AMER2: variants seen among roughly 807,000 people sequenced by gnomAD.
AMER2 encodes the protein APC membrane recruitment protein 2, also known as family with sequence similarity 123A.
In AMER2, 1 loss-of-function variant was observed where a neutral mutation model predicts 4.7. The ratio of observed to expected loss-of-function variants is 0.21; its 90% CI spans 0.07 to 1.00. The LOEUF is 1.00. Among genes scored for constraint, AMER2 ranks in the 50% least tolerant of loss-of-function variants. The pLI is 0.60. For synonymous variants in AMER2, 485 were observed against 433.3 expected (o/e 1.12, Z -1.48); for missense variants, 988 against 966.9 (o/e 1.02, Z -0.29).
Position 25,162,957 on chromosome 13 carries a change from A to T in AMER2, c.*6647T>A, listed in dbSNP as rs1489263136. On this transcript the variant is annotated 3_prime_UTR_variant, in exon 1 of 1. Coordinates refer to ENST00000515384, the MANE Select transcript of AMER2 (RefSeq NM_152704.4). Reference sequence around the variant, plus strand: ...TAGTAGAATTCAATATAAAATACTCATCTTCATGGTGGCTGACTTATTGAT... The same window carrying T: ...TAGTAGAATTCAATATAAAATACTCTTCTTCATGGTGGCTGACTTATTGAT... 1 of 152,224 alleles carries T rather than the reference A, an allele frequency of 6.6e-6. No homozygotes were observed. The highest frequency in any genetic ancestry group is 1.5e-5 in the Non-Finnish European group (1 of 68,044). The allele number at this position is 152,224 out of a possible 1,614,324, so 9.4% of individuals were successfully genotyped here.
chr13:25,171,759 G>A lies in AMER2; in HGVS notation c.-140C>T. 1 of 1,398,666 alleles carries A rather than the reference G, an allele frequency of 7.1e-7. No homozygotes were observed. Among genetic ancestry groups the A allele is most frequent in the Non-Finnish European group, 9.2e-7 (1 of 1,085,036 alleles). 86.6% of individuals were successfully genotyped at this position (1,398,666 alleles called of 1,614,324 possible). A position where few individuals can be genotyped will look rare whatever the true frequency, so the allele number is the denominator to read the frequency against. On this transcript the variant is annotated 5_prime_UTR_variant, in exon 1 of 1. Coordinates refer to ENST00000515384, the MANE Select transcript of AMER2 (RefSeq NM_152704.4). The surrounding 1 kb of genome is among the most constrained non-coding windows in gnomAD (Gnocchi z 5.9). ...CACATAAAAGACCATCTTCCCTCCC[G>A]CAAGGGCTTATATAATACCCTAACC...
At position 25,169,546 on chromosome 13, in the gene AMER2, T is replaced by G. The variant is rs1252627849; in HGVS notation, c.*58A>C. 6.6e-7 allele frequency: 1 copy of G among 1,515,012 alleles called. No individual in the cohort carries two copies. Among genetic ancestry groups the G allele is most frequent in the Non-Finnish European group, 8.8e-7 (1 of 1,134,042 alleles). 93.8% of individuals were successfully genotyped at this position (1,515,012 alleles called of 1,614,324 possible). On this transcript the variant is annotated 3_prime_UTR_variant, in exon 1 of 1. Transcript: ENST00000515384. The surrounding 1 kb of genome is among the most constrained non-coding windows in gnomAD (Gnocchi z 4.2). ...GAAAAGCAAAACTTACTTTAGTGGT[T>G]TCCAGGGAAAAGTTGTATTCCTTGG...
rs901661430 is a variant in AMER2 at position 25,171,588 on chromosome 13, C to T, written c.32G>A (p.Gly11Glu). The T allele has an allele frequency of 8.7e-6, 13 of 1,490,094 alleles. No individual in the cohort carries two copies. Among genetic ancestry groups the T allele is most frequent in the Non-Finnish European group, 1.1e-5 (13 of 1,133,044 alleles). The allele number at this position is 1,490,094 out of a possible 1,614,324, so 92.3% of individuals were successfully genotyped here. METSRSRGGG[G>E]AVSERGGAGA... ...AGCTCCGCCGCGCTCGCTGACAGCC[C>T]CGCCGCCGCCGCGGCTCCGGCTCGT... is the stretch of plus-strand genomic sequence containing the variant. Residue 11 changes from glycine to glutamate, a missense_variant, in exon 1 of 1, where the codon GGG (glycine) becomes GAG (glutamate). Transcript: ENST00000515384. This position sits in a 1 kb window ranked among gnomAD's most constrained non-coding sequence, Gnocchi z 5.9.
Position 25,168,892 on chromosome 13 carries a change from T to G in AMER2, c.*712A>C, listed in dbSNP as rs1435022318. 6.6e-6 allele frequency: 1 copy of G among 152,622 alleles called. No homozygotes were observed. Among genetic ancestry groups the G allele is most frequent in the Non-Finnish European group, 1.5e-5 (1 of 68,052 alleles). 9.5% of individuals were successfully genotyped at this position (152,622 alleles called of 1,614,324 possible). ...AGCCTGCTCTCCTGAGCCTTTTATA[T>G]CTCCCCAAACAAATGACTGAAACCA... On this transcript the variant is annotated 3_prime_UTR_variant, in exon 1 of 1. Coordinates refer to ENST00000515384, the MANE Select transcript of AMER2 (RefSeq NM_152704.4).
chr13:25,170,689 CG>C lies in AMER2; in HGVS notation c.930del (p.Glu312ArgfsTer16). ...AAGHRRAEPGPGEVRTAEDAS... is the reference protein window; with the variant it reads ...AAGHRRAEPGXGEVRTAEDAS... The stretch of plus-strand genomic sequence containing the variant: ...GCGTCCTCTGCCGTGCGGACCTCCC[CG>C]GGCCCCGGCTCGGCGCGCCGATGCC... On this transcript the variant is annotated frameshift_variant, in exon 1 of 1. Transcript: ENST00000515384. LOFTEE classifies it low-confidence loss of function (END_TRUNC). This position sits in a 1 kb window ranked among gnomAD's most constrained non-coding sequence, Gnocchi z 7.3. 6.6e-7 allele frequency: 1 copy of C among 1,517,100 alleles called. No homozygotes were observed. Among genetic ancestry groups the C allele is most frequent in the Non-Finnish European group, 8.8e-7 (1 of 1,134,514 alleles). The allele number at this position is 1,517,100 out of a possible 1,614,324, so 94.0% of individuals were successfully genotyped here.
In AMER2 at chr13:25,169,591, G is replaced by T; in HGVS notation, c.*13C>A. 1 of 1,557,244 alleles carries T rather than the reference G, an allele frequency of 6.4e-7. No homozygotes were observed. The highest frequency in any genetic ancestry group is 8.7e-7 in the Non-Finnish European group (1 of 1,151,278). Reference sequence around the variant, plus strand: ...CCTTGGCATGGGGCCCATCCACCTTGGCCTGGAAGACCTCACAACTTTTTG... The same window carrying T: ...CCTTGGCATGGGGCCCATCCACCTTTGCCTGGAAGACCTCACAACTTTTTG... On this transcript the variant is annotated 3_prime_UTR_variant, in exon 1 of 1. Coordinates refer to ENST00000515384, the MANE Select transcript of AMER2 (RefSeq NM_152704.4). The surrounding 1 kb of genome is among the most constrained non-coding windows in gnomAD (Gnocchi z 4.2).
rs761391707 is a variant in AMER2, at chr13:25,170,951, G to C, written c.669C>G (p.Gly223=). Residue 223 remains glycine (G), a synonymous_variant, in exon 1 of 1, where the codon GGC becomes GGG. Transcript: ENST00000515384. This position sits in a 1 kb window ranked among gnomAD's most constrained non-coding sequence, Gnocchi z 7.3. ...EAAEGRAPGG[G]LILPGSLTAS... ...CGGTGAGCGAGCCGGGTAGGATCAA[G>C]CCGCCCCCGGGCGCGCGCCCCTCCG... 1 of 1,532,030 alleles carries C rather than the reference G, an allele frequency of 6.5e-7. No homozygotes were observed. Among genetic ancestry groups the C allele is most frequent in the South Asian group, 1.2e-5 (1 of 82,160 alleles). The allele number at this position is 1,532,030 out of a possible 1,614,324, so 94.9% of individuals were successfully genotyped here. A position where few individuals can be genotyped will look rare whatever the true frequency, so the allele number is the denominator to read the frequency against.
rs1219231209 is a variant in AMER2, at chr13:25,171,181, G to A, written c.439C>T (p.Pro147Ser). The change falls in exon 1 of 1, where the codon CCC (proline) becomes TCC (serine). Residue 147 changes from proline (P) to serine (S), a missense_variant. Coordinates refer to ENST00000515384, the MANE Select transcript of AMER2 (RefSeq NM_152704.4). This position sits in a 1 kb window ranked among gnomAD's most constrained non-coding sequence, Gnocchi z 5.9. Reference protein sequence around the residue: ...PNPGPPRAAGPGGGSLASSSV... With the variant: ...PNPGPPRAAGSGGGSLASSSV... ...CTGCTGGCGAGGGAGCCCCCGCCGG[G>A]CCCTGCGGCTCTGGGGGGCCCCGGG... 7 of 1,514,380 alleles carry A rather than the reference G, an allele frequency of 4.6e-6. No homozygotes were observed. Among genetic ancestry groups the A allele is most frequent in the East Asian group, 2.8e-5 (1 of 36,304 alleles). The allele number at this position is 1,514,380 out of a possible 1,614,324, so 93.8% of individuals were successfully genotyped here. A position where few individuals can be genotyped will look rare whatever the true frequency, so the allele number is the denominator to read the frequency against.
At position 25,172,096 on chromosome 13, in the gene AMER2, A is replaced by C. The variant is rs1321840573; in HGVS notation, c.-477T>G. The C allele has an allele frequency of 6.3e-6, 1 of 158,516 alleles. No homozygotes were observed. 9.8% of individuals were successfully genotyped at this position (158,516 alleles called of 1,614,324 possible). A position where few individuals can be genotyped will look rare whatever the true frequency, so the allele number is the denominator to read the frequency against. On this transcript the variant is annotated 5_prime_UTR_variant, in exon 1 of 1. Coordinates refer to ENST00000515384, the MANE Select transcript of AMER2 (RefSeq NM_152704.4). Reference sequence around the variant, plus strand: ...TCATGTCTGTCCTTAGCATTGGTGCACTAAGCCCAGCAGGCAGGAAGCATG... The same window carrying C: ...TCATGTCTGTCCTTAGCATTGGTGCCCTAAGCCCAGCAGGCAGGAAGCATG...
Position 25,163,953 on chromosome 13 carries a change from A to G in AMER2, c.*5651T>C, listed in dbSNP as rs1956443043. On this transcript the variant is annotated 3_prime_UTR_variant, in exon 1 of 1. Coordinates refer to ENST00000515384, the MANE Select transcript of AMER2 (RefSeq NM_152704.4). ...AAACCCTGTCTCTACTAAAAATACA[A>G]AAACTAACGGGCATGGTGGTGCACG... 1 of 152,138 alleles carries G rather than the reference A, an allele frequency of 6.6e-6. No individual in the cohort carries two copies. The highest frequency in any genetic ancestry group is 6.6e-5 in the Admixed American group (1 of 15,258). 9.4% of individuals were successfully genotyped at this position (152,138 alleles called of 1,614,324 possible). A position where few individuals can be genotyped will look rare whatever the true frequency, so the allele number is the denominator to read the frequency against.
In AMER2 at chr13:25,167,695, T is replaced by C. The variant is rs1297052005; in HGVS notation, c.*1909A>G. The C allele has an allele frequency of 6.6e-6, 1 of 152,212 alleles. No homozygotes were observed. The highest frequency in any genetic ancestry group is 2.4e-5 in the African/African-American group (1 of 41,470). 9.4% of individuals were successfully genotyped at this position (152,212 alleles called of 1,614,324 possible). ...GACAATGCAATAAAAGCCAGTCATA[T>C]GACTAATGAAGAAATTCAGCAAACC... On this transcript the variant is annotated 3_prime_UTR_variant, in exon 1 of 1. Transcript: ENST00000515384.
rs1956586264 is a variant in AMER2 at position 25,171,686 on chromosome 13, T to G, written c.-67A>C. ...CGCGCCAGGCCACTGTCACCCGTATTCTAAATCAACCTGAGCCGCGCTCGC... is the reference window on the plus strand; with the variant it reads ...CGCGCCAGGCCACTGTCACCCGTATGCTAAATCAACCTGAGCCGCGCTCGC... On this transcript the variant is annotated 5_prime_UTR_variant, in exon 1 of 1. Coordinates refer to ENST00000515384, the MANE Select transcript of AMER2 (RefSeq NM_152704.4). This position sits in a 1 kb window ranked among gnomAD's most constrained non-coding sequence, Gnocchi z 5.9. 1 of 1,422,832 alleles carries G rather than the reference T, an allele frequency of 7.0e-7. No homozygotes were observed. The highest frequency in any genetic ancestry group is 3.1e-5 in the Admixed American group (1 of 32,324). The allele number at this position is 1,422,832 out of a possible 1,614,324, so 88.1% of individuals were successfully genotyped here.
chr13:25,171,045 C>G lies in AMER2; in HGVS notation c.575G>C (p.Arg192Pro), dbSNP rs559701365. ...GCCGCTGAACAGCCCCCGCAGCCCC[C>G]GCTTTTGTTTGCCGCCGGCCTTGCT... is the stretch of plus-strand genomic sequence containing the variant. ...DASKAGGKQK[R>P]GLRGLFSGMR... The change falls in exon 1 of 1, where the codon CGG becomes CCG. Residue 192 changes from arginine (R) to proline (P), a missense_variant. Coordinates refer to ENST00000515384, the MANE Select transcript of AMER2 (RefSeq NM_152704.4). The surrounding 1 kb of genome is among the most constrained non-coding windows in gnomAD (Gnocchi z 5.9). 2.5e-6 allele frequency: 4 copies of G among 1,574,412 alleles called. No homozygotes were observed. Among genetic ancestry groups the G allele is most frequent in the African/African-American group, 1.4e-5 (1 of 71,298 alleles).
rs1305463897 is a variant in AMER2 at position 25,167,286 on chromosome 13, T to A, written c.*2318A>T. ...TGCCATGGATTCATGCAAAGGAGAATATAACCCTTGCAGGAAAATGTACAA... is the reference window on the plus strand; with the variant it reads ...TGCCATGGATTCATGCAAAGGAGAAAATAACCCTTGCAGGAAAATGTACAA... On this transcript the variant is annotated 3_prime_UTR_variant, in exon 1 of 1. Coordinates refer to ENST00000515384, the MANE Select transcript of AMER2 (RefSeq NM_152704.4). 5.3e-5 allele frequency: 8 copies of A among 152,202 alleles called. No individual in the cohort carries two copies. The highest frequency in any genetic ancestry group is 1.0e-4 in the Non-Finnish European group (7 of 68,012). 9.4% of individuals were successfully genotyped at this position (152,202 alleles called of 1,614,324 possible).
rs1487337868 is a variant in AMER2 at position 25,171,482 on chromosome 13, A to G, written c.138T>C (p.His46=). The G allele has an allele frequency of 4.3e-6, 7 of 1,609,222 alleles. No individual in the cohort carries two copies. The highest frequency in any genetic ancestry group is 2.2e-5 in the East Asian group (1 of 44,588). ...CCGGCGTTTCGGCGGCACAGTCACAATGCAAGTCCATGTCTGCCGCGAGGG... is the reference window on the plus strand; with the variant it reads ...CCGGCGTTTCGGCGGCACAGTCACAGTGCAAGTCCATGTCTGCCGCGAGGG... ...TGTLAADMDL[H]CDCAAETPAA... is the part of the protein sequence containing the mutation. Residue 46 remains histidine (H), a synonymous_variant, in exon 1 of 1, where the codon CAT becomes CAC. Coordinates refer to ENST00000515384, the MANE Select transcript of AMER2 (RefSeq NM_152704.4). The surrounding 1 kb of genome is among the most constrained non-coding windows in gnomAD (Gnocchi z 5.9).
Position 25,170,627 on chromosome 13 carries a change from G to A in AMER2, c.993C>T (p.Pro331=), listed in dbSNP as rs776925046. The part of the protein sequence containing the change: ...RTGAVPVKTV[P]LVDSEGGSGR... ...CGCTGCCGCCTTCGGAGTCGACAAGGGGGACCGTCTTTACGGGAACGGCCC... is the reference window on the plus strand; with the variant it reads ...CGCTGCCGCCTTCGGAGTCGACAAGAGGGACCGTCTTTACGGGAACGGCCC... Residue 331 remains proline, a synonymous_variant, in exon 1 of 1, where the codon CCC becomes CCT. Coordinates refer to ENST00000515384, the MANE Select transcript of AMER2 (RefSeq NM_152704.4). The surrounding 1 kb of genome is among the most constrained non-coding windows in gnomAD (Gnocchi z 7.3). 35 of 1,564,106 alleles carry A rather than the reference G, an allele frequency of 2.2e-5. No homozygotes were observed. The East Asian group carries it at 7.8e-4, about 35-fold the overall frequency.
In AMER2 at chr13:25,170,255, C is replaced by T. The variant is rs776549176; in HGVS notation, c.1365G>A (p.Glu455=). 17 of 1,612,820 alleles carry T rather than the reference C, an allele frequency of 1.1e-5. No individual in the cohort carries two copies. The African/African-American group carries it at 2.0e-4, about 19-fold the overall frequency. Residue 455 remains glutamate (E), a synonymous_variant, in exon 1 of 1, where the codon GAG becomes GAA. Transcript: ENST00000515384. The surrounding 1 kb of genome is among the most constrained non-coding windows in gnomAD (Gnocchi z 7.3). ...GCGCAGCTGCCACCTTAGCCGCGCC[C>T]TCCTGGGGCTCGGGTCCCTGCTCCT... The part of the protein sequence containing the change: ...QTEEQGPEPQ[E]GAAKVAAALE...
chr13:25,171,582 A>T lies in AMER2; in HGVS notation c.38T>A (p.Val13Asp). Residue 13 changes from valine to aspartate, a missense_variant, in exon 1 of 1, where the codon GTC (valine) becomes GAC (aspartate). Physicochemically the swap from Val to Asp is radical, Grantham distance 152. Transcript: ENST00000515384. This position sits in a 1 kb window ranked among gnomAD's most constrained non-coding sequence, Gnocchi z 5.9. ...TSRSRGGGGAVSERGGAGASV... is the reference protein window; with the variant it reads ...TSRSRGGGGADSERGGAGASV... ...CGCGCCAGCTCCGCCGCGCTCGCTGACAGCCCCGCCGCCGCCGCGGCTCCG... is the reference window on the plus strand; with the variant it reads ...CGCGCCAGCTCCGCCGCGCTCGCTGTCAGCCCCGCCGCCGCCGCGGCTCCG... 6.6e-7 allele frequency: 1 copy of T among 1,518,038 alleles called. No individual in the cohort carries two copies. Among genetic ancestry groups the T allele is most frequent in the Non-Finnish European group, 8.7e-7 (1 of 1,146,448 alleles). 94.0% of individuals were successfully genotyped at this position (1,518,038 alleles called of 1,614,324 possible). A position where few individuals can be genotyped will look rare whatever the true frequency, so the allele number is the denominator to read the frequency against.
rs1387873391 is a variant in AMER2, at chr13:25,162,062, G to A, written c.*7542C>T. ...TTAGTTCTAGGAGACAATTTTTGAT[G>A]TTTTTCAGGGGTTTAACATTCTATT... On this transcript the variant is annotated 3_prime_UTR_variant, in exon 1 of 1. Coordinates refer to ENST00000515384, the MANE Select transcript of AMER2 (RefSeq NM_152704.4). 2 of 152,154 alleles carry A rather than the reference G, an allele frequency of 1.3e-5. No individual in the cohort carries two copies. Among genetic ancestry groups the A allele is most frequent in the East Asian group, 3.8e-4 (2 of 5,206 alleles). 9.4% of individuals were successfully genotyped at this position (152,154 alleles called of 1,614,324 possible). A position where few individuals can be genotyped will look rare whatever the true frequency, so the allele number is the denominator to read the frequency against.
Sources: gnomAD v4.1 joint callset for allele counts on GRCh38, gnomAD v4.1.1 for gene constraint, Gnocchi (gnomAD v3.1) non-coding constraint, MANE v1.5 for transcripts, NCBI Gene and HGNC (gene_info 2026-07-23, HGNC 2026-07-21) for gene names.